PDIA5: variants seen among roughly 807,000 people sequenced by gnomAD.
PDIA5 encodes protein disulfide-isomerase A5.
A neutral mutation model predicts 77.6 loss-of-function variants in PDIA5; 58 were observed. That is an observed-to-expected ratio of 0.75 (90% CI 0.61 to 0.93). PDIA5 has a LOEUF of 0.93. Ranked by LOEUF, PDIA5 falls within the 40% of genes least tolerant of loss-of-function variation. PDIA5 has a pLI of 0.00. For missense variants in PDIA5, 630 were observed against 647.7 expected (o/e 0.97, Z 0.30); for synonymous variants, 250 against 252.1 (o/e 0.99, Z 0.08).
rs186237577 is a variant in PDIA5 at position 123,116,423 on chromosome 3, G to A, written c.609+125G>A. On this transcript the variant is annotated intron_variant, in intron 8 of 16. Transcript: ENST00000316218. ...GATGACTGACCCTGCTGCCTGGGCC[G>A]TTGCTGAATCGCAGCCTTGCATGGA... The A allele has an allele frequency of 1.1e-4, 81 of 721,378 alleles. No individual in the cohort carries two copies. The East Asian group carries it at 1.4e-3, about 13-fold the overall frequency. The allele number at this position is 721,378 out of a possible 1,614,324, so 44.7% of individuals were successfully genotyped here. A position where few individuals can be genotyped will look rare whatever the true frequency, so the allele number is the denominator to read the frequency against.
chr3:123,136,711 C>T (rs1417564935), intron 11 of PDIA5, among the ~76,000 whole-genome samples: 3 of 124,252 alleles, frequency 2.4e-5, no homozygotes, highest in Non-Finnish European at 4.8e-5. Flanking sequence ...TGCACTCCAG[C>T]CTGGGTGACA....
chr3:123,102,893 A>G, intron 5 of PDIA5, 97 bp downstream of exon 5: 1 of 772,474 alleles, frequency 1.3e-6, no homozygotes, highest in Non-Finnish European at 2.4e-6. Context: ...GGCAGATTGC[A>G]CAAATAGCTC....
At chr3:123,148,290 G>T (rs60620069) in intron 13 of PDIA5, among the ~76,000 whole-genome samples, 82 of 152,248 alleles carry the variant, frequency 5.4e-4, no homozygotes, top group African/African-American at 2.0e-3. Flanking sequence ...GAAACTGGCC[G>T]GGCACGGTGG....
intron 1 of PDIA5, among the ~76,000 whole-genome samples, chr3:123,078,049 C>A (rs1933901913): frequency 6.6e-6 from 1 of 152,076 alleles, no homozygotes. Flanking sequence ...ACTGCGTGAT[C>A]CGCTCGCCTC....
chr3:123,114,187 G>A (rs1315786516), intron 7 of PDIA5, among the ~76,000 whole-genome samples: 1 of 152,230 alleles, frequency 6.6e-6, no homozygotes, highest in Non-Finnish European at 1.5e-5. Context: ...ACACTGTGGA[G>A]ACAGATAGTA....
chr3:123,067,472 C>T (rs1933600438), intron 1 of PDIA5: 1 of 385,302 alleles, frequency 2.6e-6, no homozygotes, highest in Non-Finnish European at 4.6e-6. Flanking sequence ...GCTTACGCCA[C>T]GGCCACAACT....
At chr3:123,161,541 G>A in intron 16 of PDIA5, 86 bp downstream of exon 16, 1 of 1,429,914 alleles carries the variant, frequency 7.0e-7, no homozygotes, top group Non-Finnish European at 9.5e-7. Context: ...GCACTGGGCA[G>A]CATCCCAGAA....
chr3:123,138,638 T>C (rs1204992699), intron 11 of PDIA5, among the ~76,000 whole-genome samples: 3 of 152,208 alleles, frequency 2.0e-5, no homozygotes, highest in Non-Finnish European at 4.4e-5. Context: ...ATGTGATGAA[T>C]AGAGGCATCT....
chr3:123,128,719 T>C (rs938810549), intron 10 of PDIA5, among the ~76,000 whole-genome samples: 8 of 152,146 alleles, frequency 5.3e-5, no homozygotes, highest in South Asian at 2.1e-4. Flanking sequence ...CTCACTCTGT[T>C]GCCCAGGCTG....
chr3:123,148,930 C>T (rs1935825807), intron 13 of PDIA5, among the ~76,000 whole-genome samples: 1 of 152,322 alleles, frequency 6.6e-6, no homozygotes, highest in African/African-American at 2.4e-5. Flanking sequence ...ATGGCATTTA[C>T]AGGCAGGTGC....
intron 13 of PDIA5, 84 bp from the exon 14 acceptor site, chr3:123,150,150 G>A: frequency 2.2e-6 from 2 of 917,778 alleles, no homozygotes; most frequent in Non-Finnish European, 3.4e-6. Flanking sequence ...TCCCCCGAGT[G>A]GTTGGGACAT....
intron 14 of PDIA5, among the ~76,000 whole-genome samples, chr3:123,154,764 G>A (rs1036757066): frequency 1.4e-4 from 22 of 152,246 alleles, no homozygotes; most frequent in African/African-American, 4.3e-4. Flanking sequence ...TTGTGACAGG[G>A]ACTCCTACCA....
intron 1 of PDIA5, among the ~76,000 whole-genome samples, chr3:123,075,350 G>A (rs1933826413): frequency 6.6e-6 from 1 of 152,166 alleles, no homozygotes; most frequent in South Asian, 2.1e-4. Flanking sequence ...TATAGGGTAG[G>A]AAGAGAGGGT....
At chr3:123,143,592 G>T (rs143855662) in intron 11 of PDIA5, among the ~76,000 whole-genome samples, 27 of 152,170 alleles carry the variant, frequency 1.8e-4, no homozygotes, top group African/African-American at 6.0e-4. Context: ...AAAGACCATG[G>T]TCCTCTCTGT....
intron 15 of PDIA5, 43 bp from the exon 16 acceptor site, chr3:123,161,278 C>T: frequency 6.2e-7 from 1 of 1,600,350 alleles, no homozygotes; most frequent in Non-Finnish European, 8.5e-7. Flanking sequence ...CAGGCCTCAG[C>T]CTGGGGACAC....
intron 15 of PDIA5, 132 bp downstream of exon 15, chr3:123,155,173 A>G: frequency 1.4e-6 from 1 of 697,120 alleles, no homozygotes; most frequent in Non-Finnish European, 2.6e-6. Context: ...CTTGGGAACC[A>G]GGACATTCTC....
chr3:123,087,909 CA>C (rs1312123281), intron 1 of PDIA5, among the ~76,000 whole-genome samples: 1 of 152,176 alleles, frequency 6.6e-6, no homozygotes, highest in Non-Finnish European at 1.5e-5. Flanking sequence ...TTATGCTCCT[CA>C]GTTTCCCCAG....
chr3:123,142,545 C>T lies in PDIA5; in HGVS notation c.911-2977C>T, dbSNP rs553353369. 5.3e-5 allele frequency among the ~76,000 whole-genome samples: 8 copies of T among 152,334 alleles called. No homozygotes were observed. In the South Asian group the frequency reaches 1.2e-3, roughly 24 times the overall value. On this transcript the variant is annotated intron_variant, in intron 11 of 16. Transcript: ENST00000316218. ...GATCCCAAGTGGGGTCTAGTCAGAC[C>T]GTGAACTCCCAAAGTCATCTAACCC...
At position 123,150,413 on chromosome 3, in the gene PDIA5, C is replaced by T. The variant is rs767482294; in HGVS notation, c.1273+49C>T. On this transcript the variant is annotated intron_variant, in intron 14 of 16. Coordinates refer to ENST00000316218, the MANE Select transcript of PDIA5 (RefSeq NM_006810.4). ...AGTGGCACAGTAAGAGGGGTTTGGCCCCACCAAACCAAAAAGACCCGCACA... is the reference window on the plus strand; with the variant it reads ...AGTGGCACAGTAAGAGGGGTTTGGCTCCACCAAACCAAAAAGACCCGCACA... 8 of 1,563,834 alleles carry T rather than the reference C, an allele frequency of 5.1e-6. No homozygotes were observed. In the South Asian group the frequency reaches 8.4e-5, roughly 16 times the overall value.
Sources: allele counts gnomAD v4.1 joint callset (sites outside exome capture counted in the v4.1 genomes callset), GRCh38; gene constraint gnomAD v4.1.1; transcripts MANE v1.5; gene names NCBI Gene and HGNC (gene_info 2026-07-23, HGNC 2026-07-21).